The following LGR6 variants were observed in gnomAD, a reference collection of about 807,000 sequenced individuals.
The protein encoded by LGR6 is leucine-rich repeat-containing G protein-coupled receptor 6.
A neutral mutation model predicts 69.4 loss-of-function variants in LGR6; 45 were observed. That is an observed-to-expected ratio of 0.65 (90% CI 0.51 to 0.83). LGR6 has a LOEUF of 0.83. Among genes scored for constraint, LGR6 ranks in the 40% least tolerant of loss-of-function variants. The pLI, the probability that LGR6 is intolerant of heterozygous loss-of-function variation, is 0.00. For missense variants in LGR6, 1,108 were observed against 1,246.7 expected, an observed-to-expected ratio of 0.89 and a Z score of 1.68; for synonymous variants, 538 against 555.0, an observed-to-expected ratio of 0.97 and a Z score of 0.43.
At position 202,206,949 on chromosome 1, in the gene LGR6, G is replaced by A. The variant is rs557784079; in HGVS notation, c.212+12748G>A. Among the ~76,000 whole-genome samples the A allele has an allele frequency of 1.1e-4, 16 of 149,972 alleles. No homozygotes were observed. In the South Asian group the frequency reaches 1.9e-3, roughly 18 times the overall value. ...TATTTATTTATTGAGACAGAGTCTC[G>A]CTCTGTCACCCAGGCTGGAGTGCAA... On this transcript the variant is annotated intron_variant, in intron 1 of 17. Transcript: ENST00000367278.
chr1:202,268,311 C>T lies in LGR6; in HGVS notation c.429-7995C>T, dbSNP rs1664830346. On this transcript the variant is annotated intron_variant, in intron 4 of 17. Coordinates refer to ENST00000367278, the MANE Select transcript of LGR6 (RefSeq NM_001017403.2). The surrounding 1 kb of genome is among the most constrained non-coding windows in gnomAD (Gnocchi z 4.4). ...TGGAAGGCCCAAGGGCATCTCCTCA[C>T]TGCTCGGCAGGTGCCAGCCTGCTCC... is the stretch of plus-strand genomic sequence containing the variant. Among the ~76,000 whole-genome samples the T allele has an allele frequency of 6.6e-6, 1 of 152,214 alleles. No homozygotes were observed. Among genetic ancestry groups the T allele is most frequent in the Admixed American group, 6.5e-5 (1 of 15,288 alleles).
intron 1 of LGR6, 80 bp from the exon 2 acceptor site, chr1:202,225,343 G>T: frequency 7.5e-7 from 1 of 1,336,216 alleles, no homozygotes; most frequent in Non-Finnish European, 1.1e-6. Context: ...GAGGTCCCTC[G>T]AGGGGGGTTG....
At chr1:202,288,294 C>T (rs571314684) in intron 6 of LGR6, among the ~76,000 whole-genome samples, 4 of 152,302 alleles carry the variant, frequency 2.6e-5, no homozygotes, top group Middle Eastern at 3.4e-3. Flanking sequence ...TCTCCATTTT[C>T]TACTTAATTT....
intron 7 of LGR6, among the ~76,000 whole-genome samples, chr1:202,298,958 C>T (rs1051437526): frequency 6.6e-6 from 1 of 151,772 alleles, no homozygotes; most frequent in Non-Finnish European, 1.5e-5. Context: ...GACAACTGGA[C>T]CACCTAGAGG....
At chr1:202,305,815 G>T in intron 12 of LGR6, 66 bp downstream of exon 12, 1 of 1,270,566 alleles carries the variant, frequency 7.9e-7, no homozygotes, top group Non-Finnish European at 1.2e-6. Context: ...CTGTAGGGAG[G>T]TGTGATGGGG....
intron 9 of LGR6, among the ~76,000 whole-genome samples, 156 bp from the exon 10 acceptor site, chr1:202,303,123 C>T (rs1183417075): frequency 6.6e-6 from 1 of 152,126 alleles, no homozygotes; most frequent in Non-Finnish European, 1.5e-5. Flanking sequence ...TCAGCCTCCA[C>T]GAGGGCCTGC....
intron 1 of LGR6, chr1:202,197,250 A>G: frequency 2.3e-6 from 1 of 426,888 alleles, no homozygotes; most frequent in Non-Finnish European, 4.8e-6. Context: ...CCACCTCTCC[A>G]TCTTGGTTCT....
chr1:202,294,201 C>T (rs552803310), intron 6 of LGR6, among the ~76,000 whole-genome samples: 20 of 152,202 alleles, frequency 1.3e-4, no homozygotes, highest in African/African-American at 3.1e-4. Context: ...TCCTGCTATG[C>T]GCCAGGATTG....
intron 4 of LGR6, among the ~76,000 whole-genome samples, chr1:202,246,028 T>C (rs1571885333): frequency 1.0e-5 from 1 of 96,690 alleles, no homozygotes; most frequent in Admixed American, 1.3e-4. Flanking sequence ...TGTCCCTCCC[T>C]CCCTCCCTCC....
At chr1:202,207,937 A>C (rs1486717019) in intron 1 of LGR6, among the ~76,000 whole-genome samples, 1 of 152,174 alleles carries the variant, frequency 6.6e-6, no homozygotes, top group African/African-American at 2.4e-5. Context: ...ACTGCAAAAA[A>C]CAGAGTCCCT....
intron 1 of LGR6, among the ~76,000 whole-genome samples, chr1:202,205,625 A>C (rs1659177304): frequency 7.0e-6 from 1 of 142,560 alleles, no homozygotes; most frequent in Non-Finnish European, 1.5e-5. Context: ...TCACACATAC[A>C]CATACACCTC....
intron 1 of LGR6, among the ~76,000 whole-genome samples, chr1:202,215,534 G>A (rs1395501298): frequency 6.6e-6 from 1 of 152,176 alleles, no homozygotes; most frequent in Non-Finnish European, 1.5e-5. Flanking sequence ...ATCAGAATGA[G>A]GGCTAGAAGA....
At chr1:202,245,402 G>T (rs1053344024) in intron 4 of LGR6, among the ~76,000 whole-genome samples, 2 of 152,138 alleles carry the variant, frequency 1.3e-5, no homozygotes, top group African/African-American at 4.8e-5. Context: ...GGTGGGCTGG[G>T]CCAGGGGATC....
intron 1 of LGR6, among the ~76,000 whole-genome samples, chr1:202,199,354 G>C (rs993779312): frequency 1.3e-5 from 2 of 152,158 alleles, no homozygotes. Flanking sequence ...TAGTAGGGTG[G>C]GCCCATCAGA....
chr1:202,215,188 C>T (rs1659696599), intron 1 of LGR6, among the ~76,000 whole-genome samples: 1 of 152,100 alleles, frequency 6.6e-6, no homozygotes, highest in South Asian at 2.1e-4. Context: ...ACACACCCTG[C>T]CTGTTTATCC....
intron 1 of LGR6, among the ~76,000 whole-genome samples, chr1:202,202,275 T>G (rs1658865455): frequency 6.6e-6 from 1 of 152,104 alleles, no homozygotes; most frequent in African/African-American, 2.4e-5. Context: ...CCTTTTTCCC[T>G]CAGGGCACAC....
intron 14 of LGR6, among the ~76,000 whole-genome samples, chr1:202,308,584 C>A (rs1039894058): frequency 6.6e-6 from 1 of 152,160 alleles, no homozygotes; most frequent in Non-Finnish European, 1.5e-5. Context: ...AGCCAGATGA[C>A]CAGCTCTGTC....
At chr1:202,278,656 G>A (rs1271036388) in intron 5 of LGR6, among the ~76,000 whole-genome samples, 1 of 152,160 alleles carries the variant, frequency 6.6e-6, no homozygotes, top group Non-Finnish European at 1.5e-5. Flanking sequence ...AGGGACTACA[G>A]GATGAGCTGT....
intron 5 of LGR6, 76 bp from the exon 6 acceptor site, chr1:202,280,705 G>T: frequency 7.8e-7 from 1 of 1,278,378 alleles, no homozygotes; most frequent in Non-Finnish European, 1.1e-6. Context: ...CTTTCCCCAT[G>T]CCACCATGTG....
Sources: gnomAD v4.1 joint callset for allele counts (sites outside exome capture counted in the v4.1 genomes callset) on GRCh38, gnomAD v4.1.1 for gene constraint, Gnocchi (gnomAD v3.1) non-coding constraint, MANE v1.5 for transcripts, NCBI Gene and HGNC (gene_info 2026-07-23, HGNC 2026-07-21) for gene names.